The following GPD2 variants were observed in gnomAD, a reference collection of about 807,000 sequenced individuals.
GPD2 encodes the protein glycerol-3-phosphate dehydrogenase 2, also known as glycerol-3-phosphate dehydrogenase, mitochondrial.
In GPD2, 54 loss-of-function variants were observed where a neutral mutation model predicts 82.4. The observed-to-expected ratio is 0.66, with a 90% CI of 0.53 to 0.82. The LOEUF (loss-of-function observed/expected upper bound fraction) is 0.82, where lower values mean the gene tolerates loss of function less well. Ranked by LOEUF, GPD2 falls within the 40% of genes least tolerant of loss-of-function variation. The pLI, the probability that GPD2 is intolerant of heterozygous loss-of-function variation, is 0.00. For missense variants in GPD2, 748 were observed against 896.2 expected, an observed-to-expected ratio of 0.83 and a Z score of 2.11; for synonymous variants, 288 against 306.1, an observed-to-expected ratio of 0.94 and a Z score of 0.62.
chr2:156,476,335 AG>A, intron 2 of GPD2, 128 bp downstream of exon 2: 1 of 704,266 alleles, frequency 1.4e-6, no homozygotes. Flanking sequence ...TTGATCTGAA[AG>A]ATACTAATTT....
intron 6 of GPD2, among the ~76,000 whole-genome samples, chr2:156,516,019 A>G (rs886127991): frequency 1.3e-5 from 2 of 152,230 alleles, no homozygotes; most frequent in African/African-American, 4.8e-5. Flanking sequence ...TCCATGCTCA[A>G]CAAAAGGAAT....
rs74706145 is a variant in GPD2, at chr2:156,477,717, G to A, written c.102+1510G>A. On this transcript the variant is annotated intron_variant, in intron 2 of 16. Coordinates refer to ENST00000438166, the MANE Select transcript of GPD2 (RefSeq NM_000408.5). ...TGGGTTCATAGTGGAGTTTTGATACGTACAATGGTATTATTAATTCACTGA... is the reference window on the plus strand; with the variant it reads ...TGGGTTCATAGTGGAGTTTTGATACATACAATGGTATTATTAATTCACTGA... Among the ~76,000 whole-genome samples the A allele has an allele frequency of 6.0e-3, 916 of 152,214 alleles. 7 individuals are homozygous for A. The highest frequency in any genetic ancestry group is 0.03 in the East Asian group (153 of 5,182).
intron 2 of GPD2, among the ~76,000 whole-genome samples, chr2:156,489,007 T>G (rs906817451): frequency 1.3e-5 from 2 of 152,198 alleles, no homozygotes; most frequent in Admixed American, 6.5e-5. Context: ...GTTTGTTTTG[T>G]GTGTTGGGCT....
chr2:156,545,972 T>G (rs1686516374), intron 6 of GPD2, among the ~76,000 whole-genome samples: 1 of 152,240 alleles, frequency 6.6e-6, no homozygotes, highest in Non-Finnish European at 1.5e-5. Context: ...TCATTGAGGA[T>G]TAAGACAAAG....
At position 156,451,522 on chromosome 2, in the gene GPD2, AC is replaced by A. The variant is rs1318660155; in HGVS notation, c.-9+15016del. 6.4e-4 allele frequency among the ~76,000 whole-genome samples: 37 copies of A among 58,028 alleles called. 1 individual carries two copies. The highest frequency in any genetic ancestry group is 2.3e-3 in the African/African-American group (34 of 15,038). The allele number at this position is 58,028 out of a possible 152,430, so 38.1% of individuals were successfully genotyped here. A position where few individuals can be genotyped will look rare whatever the true frequency, so the allele number is the denominator to read the frequency against. On this transcript the variant is annotated intron_variant, in intron 1 of 16. Transcript: ENST00000438166. ...GGCGGCTGGCCGAGCGGGGGGGCTG[AC>A]CCCCCCACCTCCCTCCCAGACGGGG...
At chr2:156,569,564 T>G (rs1687532746) in intron 11 of GPD2, 26 bp downstream of exon 11, 2 of 1,564,002 alleles carry the variant, frequency 1.3e-6, no homozygotes, top group Non-Finnish European at 1.8e-6. Flanking sequence ...CACATCATCT[T>G]ACTCTTTACC....
At chr2:156,548,694 C>T (rs1272662591) in intron 6 of GPD2, among the ~76,000 whole-genome samples, 1 of 152,160 alleles carries the variant, frequency 6.6e-6, no homozygotes, top group Non-Finnish European at 1.5e-5. Flanking sequence ...ATATCCATTA[C>T]AAATTCATCC....
chr2:156,550,774 C>T (rs776943261), intron 8 of GPD2, 28 bp downstream of exon 8: 2 of 1,600,668 alleles, frequency 1.2e-6, no homozygotes, highest in South Asian at 1.1e-5. Context: ...TGGCAGTTGT[C>T]ACCCAAAAAA....
intron 6 of GPD2, among the ~76,000 whole-genome samples, chr2:156,543,390 A>G (rs1320118175): frequency 6.6e-6 from 1 of 152,118 alleles, no homozygotes; most frequent in African/African-American, 2.4e-5. Context: ...AAAAAGATGC[A>G]CTCTGTTCTT....
At chr2:156,415,156 CT>C in the GPD2 span, among the ~76,000 whole-genome samples, 228 of 114,602 alleles carry the variant, frequency 2.0e-3, 1 homozygote, top group African/African-American at 4.8e-3. Flanking sequence ...TTGTATCATT[CT>C]TTTTTTTTTT....
chr2:156,408,024 G>A, the GPD2 span, among the ~76,000 whole-genome samples: 8 of 143,180 alleles, frequency 5.6e-5, no homozygotes, highest in Non-Finnish European at 1.2e-4. Context: ...GTGCAATCAC[G>A]GCTCACTGTT....
At chr2:156,400,804 A>G in the GPD2 span, among the ~76,000 whole-genome samples, 10 of 152,200 alleles carry the variant, frequency 6.6e-5, no homozygotes, top group Admixed American at 3.3e-4. Flanking sequence ...CGCGCTTCGC[A>G]TGTGTGAGGT....
chr2:156,550,061 G>C (rs774714996), intron 7 of GPD2, among the ~76,000 whole-genome samples: 4 of 152,102 alleles, frequency 2.6e-5, no homozygotes, highest in Non-Finnish European at 5.9e-5. Flanking sequence ...ACAAAAACAT[G>C]TTATTAATAA....
chr2:156,508,537 C>A (rs1430056012), intron 3 of GPD2, among the ~76,000 whole-genome samples: 1 of 152,004 alleles, frequency 6.6e-6, no homozygotes, highest in East Asian at 1.9e-4. Flanking sequence ...AAGGATAGGC[C>A]CAGGTGAGGA....
chr2:156,428,944 C>T, the GPD2 span, among the ~76,000 whole-genome samples: 2 of 152,156 alleles, frequency 1.3e-5, no homozygotes, highest in Non-Finnish European at 2.9e-5. Flanking sequence ...AAAAACTTTC[C>T]TCTTGGCTTA....
At chr2:156,556,159 TGATAAA>T (rs1356856347) in intron 8 of GPD2, among the ~76,000 whole-genome samples, 2 of 152,180 alleles carry the variant, frequency 1.3e-5, no homozygotes, top group Non-Finnish European at 2.9e-5. Flanking sequence ...AAGGGAATGA[TGATAAA>T]GATAAAAATC....
At chr2:156,401,218 T>C in the GPD2 span, among the ~76,000 whole-genome samples, 5 of 152,326 alleles carry the variant, frequency 3.3e-5, no homozygotes, top group East Asian at 1.9e-4. Flanking sequence ...CCACCAATGC[T>C]TATAGCAAAT....
intron 6 of GPD2, among the ~76,000 whole-genome samples, chr2:156,518,554 G>A (rs1685282264): frequency 1.3e-5 from 2 of 152,176 alleles, no homozygotes; most frequent in Admixed American, 1.3e-4. Context: ...GCATGCACCT[G>A]CAATTGTACA....
At chr2:156,569,133 G>A (rs1407645630) in intron 10 of GPD2, among the ~76,000 whole-genome samples, 174 bp downstream of exon 10, 1 of 151,472 alleles carries the variant, frequency 6.6e-6, no homozygotes. Context: ...CTGGCCTTCT[G>A]TCTTGTAATT....
Sources: allele counts gnomAD v4.1 joint callset (sites outside exome capture counted in the v4.1 genomes callset), GRCh38; gene constraint gnomAD v4.1.1; transcripts MANE v1.5; gene names NCBI Gene and HGNC (gene_info 2026-07-23, HGNC 2026-07-21).